The following ACAP2 variants were observed in gnomAD, a reference collection of about 807,000 sequenced individuals.
ACAP2 encodes the protein arf-GAP with coiled-coil, ANK repeat and PH domain-containing protein 2.
A neutral mutation model predicts 115.8 loss-of-function variants in ACAP2; 39 were observed. That is an observed-to-expected ratio of 0.34 (90% CI 0.26 to 0.44). ACAP2 has a LOEUF of 0.44. Ranked by LOEUF, ACAP2 falls within the 20% of genes least tolerant of loss-of-function variation. The pLI is 1.00. For missense variants in ACAP2, 662 were observed against 927.6 expected, an observed-to-expected ratio of 0.71 and a Z score of 3.72; for synonymous variants, 289 against 315.8, an observed-to-expected ratio of 0.92 and a Z score of 0.90.
intron 4 of ACAP2, among the ~76,000 whole-genome samples, chr3:195,351,128 T>TC (rs1731544626): frequency 7.0e-6 from 1 of 143,088 alleles, no homozygotes; most frequent in South Asian, 2.4e-4. Flanking sequence ...TTTTTTTTTT[T>TC]TGGGCGGGGG....
intron 1 of ACAP2, among the ~76,000 whole-genome samples, chr3:195,438,772 G>A (rs1289912747): frequency 6.6e-6 from 1 of 152,088 alleles, no homozygotes; most frequent in Admixed American, 6.6e-5. Context: ...AACAAGAATC[G>A]TATCTAGCCG....
At chr3:195,395,565 A>G (rs1033372140) in intron 1 of ACAP2, among the ~76,000 whole-genome samples, 1 of 152,230 alleles carries the variant, frequency 6.6e-6, no homozygotes, top group Non-Finnish European at 1.5e-5. Context: ...CTGTTCCTCT[A>G]AAGTTTTACG....
At chr3:195,328,937 G>A (rs375191728) in intron 8 of ACAP2, among the ~76,000 whole-genome samples, 27 of 151,994 alleles carry the variant, frequency 1.8e-4, no homozygotes, top group South Asian at 1.4e-3. Flanking sequence ...ACAATTAGCC[G>A]GGCGTGGTGG....
At chr3:195,279,508 A>G in intron 22 of ACAP2, 80 bp from the exon 23 acceptor site, 1 of 839,688 alleles carries the variant, frequency 1.2e-6, no homozygotes, top group South Asian at 2.6e-5. Flanking sequence ...TACTAGTACT[A>G]TTTTATAATT....
intron 9 of ACAP2, among the ~76,000 whole-genome samples, chr3:195,321,035 T>G (rs1265322686): frequency 2.6e-5 from 4 of 152,098 alleles, no homozygotes; most frequent in African/African-American, 9.7e-5. Context: ...ATGCAATACT[T>G]ATTGTGATGA....
At chr3:195,399,810 C>A (rs775489556) in intron 1 of ACAP2, among the ~76,000 whole-genome samples, 1 of 151,958 alleles carries the variant, frequency 6.6e-6, no homozygotes, top group Non-Finnish European at 1.5e-5. Context: ...ACTCAGATAT[C>A]AACAACCCCT....
At chr3:195,387,913 T>C (rs558627531) in intron 2 of ACAP2, among the ~76,000 whole-genome samples, 9 of 152,192 alleles carry the variant, frequency 5.9e-5, no homozygotes, top group Non-Finnish European at 8.8e-5. Flanking sequence ...TCCTATGAAA[T>C]AGACACTCTT....
chr3:195,395,837 T>A (rs149812694), intron 1 of ACAP2, among the ~76,000 whole-genome samples: 15 of 152,358 alleles, frequency 9.8e-5, no homozygotes, highest in African/African-American at 3.6e-4. Context: ...AGAAGCTGAA[T>A]AAGCCCAGAA....
chr3:195,333,286 G>C (rs2108629584), intron 7 of ACAP2, among the ~76,000 whole-genome samples, 163 bp from the exon 8 acceptor site: 1 of 152,290 alleles, frequency 6.6e-6, no homozygotes, highest in Non-Finnish European at 1.5e-5. Flanking sequence ...ACTGCAACCT[G>C]GACCTCCCAG....
chr3:195,312,900 G>A (rs182065422), intron 10 of ACAP2: 1 of 152,242 alleles, frequency 6.6e-6, no homozygotes, highest in Non-Finnish European at 1.5e-5. Context: ...GTGCCAAAAA[G>A]GAAACTGGAG....
chr3:195,350,831 C>T (rs754355370), intron 4 of ACAP2, among the ~76,000 whole-genome samples: 8 of 151,704 alleles, frequency 5.3e-5, no homozygotes, highest in Non-Finnish European at 7.4e-5. Context: ...GGAAAAAGAA[C>T]TTCAACCGTT....
intron 4 of ACAP2, among the ~76,000 whole-genome samples, chr3:195,346,221 T>C (rs1262519241): frequency 1.3e-5 from 2 of 152,126 alleles, no homozygotes; most frequent in Non-Finnish European, 2.9e-5. Flanking sequence ...AAACTCAAAG[T>C]ACTAAACCCA....
At chr3:195,342,791 C>A (rs1447680966) in intron 5 of ACAP2, 137 bp from the exon 6 acceptor site, 2 of 562,134 alleles carry the variant, frequency 3.6e-6, no homozygotes, top group East Asian at 6.8e-5. Flanking sequence ...GTCAAGAGAT[C>A]GAGACCATCC....
At chr3:195,407,200 T>TAA (rs10576564) in intron 1 of ACAP2, among the ~76,000 whole-genome samples, 1 of 143,028 alleles carries the variant, frequency 7.0e-6, no homozygotes. Context: ...ATTTTTAGTT[T>TAA]AAAAAAAAAA....
chr3:195,333,704 A>G (rs1730321876), intron 7 of ACAP2, among the ~76,000 whole-genome samples: 1 of 152,232 alleles, frequency 6.6e-6, no homozygotes, highest in East Asian at 1.9e-4. Context: ...CCAATTTTCA[A>G]TAACTCTACT....
chr3:195,312,587 C>A (rs1728840456), intron 10 of ACAP2, among the ~76,000 whole-genome samples: 1 of 151,988 alleles, frequency 6.6e-6, no homozygotes, highest in Non-Finnish European at 1.5e-5. Context: ...CCACCTCAGC[C>A]TCTGGAGTAG....
intron 15 of ACAP2, among the ~76,000 whole-genome samples, chr3:195,300,044 C>CTTTTTTTTTTTTTT (rs765234326): frequency 1.5e-4 from 5 of 34,366 alleles, no homozygotes; most frequent in Admixed American, 2.7e-4. Context: ...CTTTTTTTTT[C>CTTTTTTTTTTTTTT]TTTTTTTTTT....
At chr3:195,386,009 T>C (rs993676793) in intron 2 of ACAP2, among the ~76,000 whole-genome samples, 1 of 152,210 alleles carries the variant, frequency 6.6e-6, no homozygotes, top group Non-Finnish European at 1.5e-5. Flanking sequence ...CATCAACTGA[T>C]GAATGGATAA....
chr3:195,431,757 ACTT>A (rs914972783), intron 1 of ACAP2, among the ~76,000 whole-genome samples: 4 of 151,688 alleles, frequency 2.6e-5, no homozygotes, highest in Admixed American at 1.3e-4. Flanking sequence ...TCTATGTTTA[ACTT>A]CTTATCTTAG....
Sources: allele counts gnomAD v4.1 joint callset (sites outside exome capture counted in the v4.1 genomes callset), GRCh38; gene constraint gnomAD v4.1.1; transcripts MANE v1.5; gene names NCBI Gene and HGNC (gene_info 2026-07-23, HGNC 2026-07-21).